Variants in IKZF3 observed in about 807,000 individuals in gnomAD.
The protein encoded by IKZF3 is IKAROS family zinc finger 3.
In IKZF3, 10 loss-of-function variants were observed where a neutral mutation model predicts 49.0. That is an observed-to-expected ratio of 0.20 (90% CI 0.13 to 0.35). IKZF3 has a LOEUF of 0.35. Among genes scored for constraint, IKZF3 ranks in the 10% least tolerant of loss-of-function variants. The pLI is 1.00. For missense variants in IKZF3, 498 were observed against 664.8 expected (o/e 0.75, Z 2.76); for synonymous variants, 209 against 228.2 (o/e 0.92, Z 0.76).
intron 5 of IKZF3, among the ~76,000 whole-genome samples, chr17:39,790,903 A>C (rs1165009895): frequency 6.6e-6 from 1 of 152,056 alleles, no homozygotes; most frequent in African/African-American, 2.4e-5. Context: ...TTAAAAAAAA[A>C]AAAAAAAGTG....
intron 3 of IKZF3, among the ~76,000 whole-genome samples, chr17:39,818,607 C>A (rs771127057): frequency 6.6e-6 from 1 of 151,960 alleles, no homozygotes; most frequent in Non-Finnish European, 1.5e-5. Flanking sequence ...CCTAGCACTT[C>A]GGGAGGCTGA....
chr17:39,864,041 C>T (rs569925393), intron 1 of IKZF3, 79 bp downstream of exon 1: 1 of 1,568,854 alleles, frequency 6.4e-7, no homozygotes, highest in African/African-American at 1.4e-5. Context: ...AACTGAGATT[C>T]AGAAGAAACT....
intron 1 of IKZF3, among the ~76,000 whole-genome samples, chr17:39,844,725 C>T (rs780058526): frequency 6.6e-6 from 1 of 152,046 alleles, no homozygotes; most frequent in East Asian, 1.9e-4. Flanking sequence ...CCAGTTCAAG[C>T]GATTCTCCTG....
chr17:39,857,274 T>C (rs2063088849), intron 1 of IKZF3, among the ~76,000 whole-genome samples: 2 of 152,248 alleles, frequency 1.3e-5, no homozygotes, highest in African/African-American at 4.8e-5. Context: ...GTGAGAGTGA[T>C]CTTTTTCTCA....
intron 1 of IKZF3, among the ~76,000 whole-genome samples, chr17:39,852,842 G>A (rs1441556066): frequency 5.9e-5 from 9 of 152,220 alleles, no homozygotes; most frequent in South Asian, 2.1e-4. Flanking sequence ...ATGGTGGTGC[G>A]TGCCTATAAT....
intron 3 of IKZF3, among the ~76,000 whole-genome samples, chr17:39,797,584 G>T (rs1258898920): frequency 6.6e-6 from 1 of 151,718 alleles, no homozygotes. Context: ...CACCACACCT[G>T]GCTAATTTCT....
At chr17:39,809,626 G>A (rs2061506073) in intron 3 of IKZF3, among the ~76,000 whole-genome samples, 1 of 152,186 alleles carries the variant, frequency 6.6e-6, no homozygotes, top group African/African-American at 2.4e-5. Context: ...GATCCTGGAA[G>A]AAACCGCAAG....
intron 1 of IKZF3, among the ~76,000 whole-genome samples, chr17:39,861,273 T>G (rs1206603549): frequency 6.6e-6 from 1 of 152,094 alleles, no homozygotes; most frequent in Non-Finnish European, 1.5e-5. Context: ...GAGAGGCCCT[T>G]AGCTGAGGTG....
At chr17:39,783,225 CAA>C (rs1219394075) in intron 6 of IKZF3, among the ~76,000 whole-genome samples, 1 of 152,194 alleles carries the variant, frequency 6.6e-6, no homozygotes, top group Non-Finnish European at 1.5e-5. Flanking sequence ...AATTGTCTAA[CAA>C]GAGATTGGTA....
chr17:39,794,734 G>T (rs1014598291), intron 3 of IKZF3, among the ~76,000 whole-genome samples: 4 of 152,208 alleles, frequency 2.6e-5, no homozygotes, highest in African/African-American at 7.2e-5. Context: ...TTGGAAAGAG[G>T]TTTACTTCTT....
Position 39,842,060 on chromosome 17 carries a change from C to CAAAAAAAAAAAAAAAAAAAAAAA in IKZF3, c.8-9910_8-9909insTTTTTTTTTTTTTTTTTTTTTTT. 9.8e-5 allele frequency among the ~76,000 whole-genome samples: 2 copies of CAAAAAAAAAAAAAAAAAAAAAAA among 20,318 alleles called. 1 individual carries two copies. Among genetic ancestry groups the CAAAAAAAAAAAAAAAAAAAAAAA allele is most frequent in the Non-Finnish European group, 1.8e-4 (2 of 10,846 alleles). The allele number at this position is 20,318 out of a possible 152,430, so 13.3% of individuals were successfully genotyped here. A position where few individuals can be genotyped will look rare whatever the true frequency, so the allele number is the denominator to read the frequency against. ...CAAAAAAAAAAAAAAAAAAAAAAAA[C>CAAAAAAAAAAAAAAAAAAAAAAA]CAGATAAAATATAGATGTAAATGTG... On this transcript the variant is annotated intron_variant, in intron 1 of 7. Coordinates refer to ENST00000346872, the MANE Select transcript of IKZF3 (RefSeq NM_012481.5).
chr17:39,782,020 G>A (rs1567973513), intron 6 of IKZF3, among the ~76,000 whole-genome samples: 1 of 151,942 alleles, frequency 6.6e-6, no homozygotes, highest in Non-Finnish European at 1.5e-5. Context: ...CCTCTTTCTG[G>A]GTCATTCACT....
chr17:39,834,260 G>T (rs184256305), intron 1 of IKZF3, among the ~76,000 whole-genome samples: 9 of 152,324 alleles, frequency 5.9e-5, no homozygotes, highest in South Asian at 2.1e-4. Flanking sequence ...TCAACACAGT[G>T]AAACTAGAAC....
chr17:39,806,385 T>C (rs913536094), intron 3 of IKZF3, among the ~76,000 whole-genome samples: 1 of 152,236 alleles, frequency 6.6e-6, no homozygotes, highest in Non-Finnish European at 1.5e-5. Flanking sequence ...AAGTAGTCTT[T>C]AGCTTTTCTA....
chr17:39,785,556 G>T (rs1278178318), intron 6 of IKZF3, among the ~76,000 whole-genome samples: 2 of 151,998 alleles, frequency 1.3e-5, no homozygotes, highest in East Asian at 3.9e-4. Context: ...TCCTAAAAAA[G>T]GTTGTGAGAA....
At chr17:39,828,979 C>A (rs771031036) in intron 3 of IKZF3, among the ~76,000 whole-genome samples, 2 of 151,468 alleles carry the variant, frequency 1.3e-5, no homozygotes, top group African/African-American at 4.9e-5. Flanking sequence ...CTGGCCTGGG[C>A]GACAAAGTGA....
chr17:39,774,895 C>A (rs1313913104), intron 7 of IKZF3, among the ~76,000 whole-genome samples: 1 of 152,206 alleles, frequency 6.6e-6, no homozygotes, highest in Non-Finnish European at 1.5e-5. Flanking sequence ...AACACCACAT[C>A]TGTATAGCCT....
At position 39,758,651 on chromosome 17, in the gene IKZF3, G is replaced by A. The variant is rs957361293; in HGVS notation, c.*7139C>T. On this transcript the variant is annotated 3_prime_UTR_variant, in exon 8 of 8. Transcript: ENST00000346872. Reference sequence around the variant, plus strand: ...AGCGGGGGGTGGGGTACTAATGGCTGAGGACTCACAGACAGTGAGGGAGCA... The same window carrying A: ...AGCGGGGGGTGGGGTACTAATGGCTAAGGACTCACAGACAGTGAGGGAGCA... 6.6e-6 allele frequency: 1 copy of A among 151,692 alleles called. No homozygotes were observed. Among genetic ancestry groups the A allele is most frequent in the African/African-American group, 2.4e-5 (1 of 41,192 alleles). The allele number at this position is 151,692 out of a possible 1,614,324, so 9.4% of individuals were successfully genotyped here. A position where few individuals can be genotyped will look rare whatever the true frequency, so the allele number is the denominator to read the frequency against.
intron 2 of IKZF3, among the ~76,000 whole-genome samples, chr17:39,831,425 A>G (rs1362369471): frequency 1.3e-5 from 2 of 152,230 alleles, no homozygotes; most frequent in African/African-American, 4.8e-5. Flanking sequence ...AGTAACACAA[A>G]AAGGCATTTC....
Sources: gnomAD v4.1 joint callset for allele counts (sites outside exome capture counted in the v4.1 genomes callset) on GRCh38, gnomAD v4.1.1 for gene constraint, MANE v1.5 for transcripts, NCBI Gene and HGNC (gene_info 2026-07-23, HGNC 2026-07-21) for gene names.